The following XXYLT1 variants were observed in gnomAD, a reference collection of about 807,000 sequenced individuals.
XXYLT1 encodes UDP-xylose:alpha-xyloside alpha-1,3-xylosyltransferase.
Under a neutral mutation model 28.9 loss-of-function variants are expected in XXYLT1, and 20 were observed. The observed-to-expected ratio is 0.69, with a 90% CI of 0.49 to 1.00. XXYLT1 has a LOEUF of 1.00. Ranked by LOEUF, XXYLT1 falls within the 50% of genes least tolerant of loss-of-function variation. XXYLT1 has a pLI of 0.00. For synonymous variants in XXYLT1, 257 were observed against 253.8 expected (o/e 1.01, Z -0.12); for missense variants, 542 against 560.1 (o/e 0.97, Z 0.33).
At chr3:195,219,327 G>A (rs1342771121) in intron 2 of XXYLT1, among the ~76,000 whole-genome samples, 1 of 152,212 alleles carries the variant, frequency 6.6e-6, no homozygotes, top group East Asian at 1.9e-4. Flanking sequence ...ATGGCAGTGA[G>A]TAAAAGTACA....
intron 2 of XXYLT1, among the ~76,000 whole-genome samples, chr3:195,160,577 A>C (rs1427442874): frequency 6.6e-6 from 1 of 152,210 alleles, no homozygotes; most frequent in East Asian, 1.9e-4. Context: ...CACCTGCCTT[A>C]TCATACTCTG....
At chr3:195,110,842 T>TGTTGTGTAAG (rs1223287611) in intron 3 of XXYLT1, among the ~76,000 whole-genome samples, 1,471 of 6,882 alleles carry the variant, frequency 0.21, 40 homozygotes, top group African/African-American at 0.32. Context: ...GTGTGGTGTG[T>TGTTGTGTAAG]TGTGTGTGTT....
rs1441728713 is a variant in XXYLT1 at position 195,129,703 on chromosome 3, C to T, written c.785+26746G>A. On this transcript the variant is annotated intron_variant, in intron 3 of 3. Coordinates refer to ENST00000310380, the MANE Select transcript of XXYLT1 (RefSeq NM_152531.5). The surrounding 1 kb of genome is among the most constrained non-coding windows in gnomAD (Gnocchi z 4.4). Reference sequence around the variant, plus strand: ...GTTCATTTGCATGTTAGTGTGCGGGCGTATGTTTTCAGTTCTCTCGGGCAT... The same window carrying T: ...GTTCATTTGCATGTTAGTGTGCGGGTGTATGTTTTCAGTTCTCTCGGGCAT... Among the ~76,000 whole-genome samples, 1 of 152,044 alleles carries T rather than the reference C, an allele frequency of 6.6e-6. No individual in the cohort carries two copies. Among genetic ancestry groups the T allele is most frequent in the Non-Finnish European group, 1.5e-5 (1 of 68,014 alleles).
intron 1 of XXYLT1, among the ~76,000 whole-genome samples, chr3:195,244,058 T>C (rs1344463267): frequency 6.6e-6 from 1 of 152,134 alleles, no homozygotes; most frequent in Admixed American, 6.6e-5. Flanking sequence ...CTCACCCTCA[T>C]CTCCACCTCG....
intron 2 of XXYLT1, among the ~76,000 whole-genome samples, chr3:195,186,139 G>GAC (rs1233761721): frequency 1.3e-5 from 2 of 152,152 alleles, no homozygotes; most frequent in Non-Finnish European, 2.9e-5. Context: ...GCTGCTCCCA[G>GAC]ACATGTCATT....
rs562176617 is a variant in XXYLT1, at chr3:195,184,240, T to C, written c.653-27659A>G. ...GAGTTAATTCAGTGCAAAAGAACAATGGACAAGCTTGGCAATTGCTTCAGT... is the reference window on the plus strand; with the variant it reads ...GAGTTAATTCAGTGCAAAAGAACAACGGACAAGCTTGGCAATTGCTTCAGT... On this transcript the variant is annotated intron_variant, in intron 2 of 3. Transcript: ENST00000310380. Among the ~76,000 whole-genome samples the C allele has an allele frequency of 2.0e-5, 3 of 152,302 alleles. No individual in the cohort carries two copies. The South Asian group carries it at 6.2e-4, about 32-fold the overall frequency.
intron 2 of XXYLT1, among the ~76,000 whole-genome samples, chr3:195,161,342 C>T (rs187002791): frequency 1.4e-4 from 22 of 152,276 alleles, no homozygotes; most frequent in African/African-American, 4.6e-4. Flanking sequence ...GAAAAGCCTT[C>T]GGACATCTCT....
chr3:195,231,853 T>G (rs1724315169), intron 1 of XXYLT1, among the ~76,000 whole-genome samples: 1 of 152,150 alleles, frequency 6.6e-6, no homozygotes, highest in Non-Finnish European at 1.5e-5. Context: ...TATAGTTTTC[T>G]TTTACTGATG....
At position 195,270,839 on chromosome 3, in the gene XXYLT1, C is replaced by G; in HGVS notation, c.220G>C (p.Ala74Pro). ...GGGGCTGGCGCCACGGAGCCCCGCG[C>G]TAGCTCCAGCGCGGGCGGCGAGGGC... ...AAPSPPALELARGSVAPAPGA... is the reference protein window; with the variant it reads ...AAPSPPALELPRGSVAPAPGA... The change falls in exon 1 of 4, where the codon GCG becomes CCG. Residue 74 changes from alanine (A) to proline (P), a missense_variant. Ala to Pro is a conservative substitution (Grantham distance 27). Coordinates refer to ENST00000310380, the MANE Select transcript of XXYLT1 (RefSeq NM_152531.5). 3 of 1,451,562 alleles carry G rather than the reference C, an allele frequency of 2.1e-6. No individual in the cohort carries two copies. The highest frequency in any genetic ancestry group is 2.7e-6 in the Non-Finnish European group (3 of 1,103,542). 89.9% of individuals were successfully genotyped at this position (1,451,562 alleles called of 1,614,324 possible).
chr3:195,145,389 C>T (rs1364780664), intron 3 of XXYLT1, among the ~76,000 whole-genome samples: 3 of 142,956 alleles, frequency 2.1e-5, no homozygotes, highest in African/African-American at 5.3e-5. Context: ...TGGGGCCCTG[C>T]GAGCATCTCT....
intron 1 of XXYLT1, among the ~76,000 whole-genome samples, chr3:195,233,511 G>C (rs968800358): frequency 5.9e-5 from 9 of 152,012 alleles, no homozygotes; most frequent in African/African-American, 1.9e-4. Flanking sequence ...CATATCCATT[G>C]TATGTTTTTA....
At chr3:195,227,132 G>C (rs145147296) in intron 1 of XXYLT1, among the ~76,000 whole-genome samples, 20 of 152,306 alleles carry the variant, frequency 1.3e-4, no homozygotes, top group Admixed American at 3.3e-4. Context: ...GAAGTGGGAG[G>C]ACAGGAAATG....
intron 3 of XXYLT1, among the ~76,000 whole-genome samples, chr3:195,123,154 C>G (rs937428046): frequency 6.6e-6 from 1 of 151,874 alleles, no homozygotes; most frequent in Non-Finnish European, 1.5e-5. Context: ...TTTTAGGTAT[C>G]TTCAATGTGC....
intron 1 of XXYLT1, among the ~76,000 whole-genome samples, chr3:195,265,207 TA>T (rs543098009): frequency 1.0e-3 from 159 of 152,048 alleles, no homozygotes; most frequent in African/African-American, 3.5e-3. Context: ...CCATCTCTGC[TA>T]AAAATACAAA....
intron 2 of XXYLT1, among the ~76,000 whole-genome samples, chr3:195,197,434 C>A (rs1283670526): frequency 7.3e-6 from 1 of 137,312 alleles, no homozygotes; most frequent in Non-Finnish European, 1.5e-5. Flanking sequence ...GAGACTCAGT[C>A]TCAATTTAAA....
At chr3:195,175,918 G>C in intron 2 of XXYLT1, 1 of 1,399,468 alleles carries the variant, frequency 7.1e-7, no homozygotes, top group Non-Finnish European at 9.3e-7. Context: ...TATGTATGAA[G>C]TCACAGAAAT....
At chr3:195,203,633 T>G (rs1160075858) in intron 2 of XXYLT1, among the ~76,000 whole-genome samples, 2 of 152,170 alleles carry the variant, frequency 1.3e-5, no homozygotes, top group Non-Finnish European at 2.9e-5. Flanking sequence ...AAGGAGCAAA[T>G]GGCCTGACAG....
chr3:195,238,863 G>A (rs1167694022), intron 1 of XXYLT1, among the ~76,000 whole-genome samples: 1 of 152,214 alleles, frequency 6.6e-6, no homozygotes, highest in Admixed American at 6.5e-5. Flanking sequence ...AGAAGGGAAG[G>A]CCTCTGTGTT....
intron 3 of XXYLT1, among the ~76,000 whole-genome samples, chr3:195,109,244 A>G (rs1156229667): frequency 3.3e-5 from 5 of 152,146 alleles, no homozygotes; most frequent in Non-Finnish European, 7.3e-5. Flanking sequence ...GCAGAGGCCG[A>G]CAGCCCAGCA....
Sources: allele counts gnomAD v4.1 joint callset (sites outside exome capture counted in the v4.1 genomes callset), GRCh38; gene constraint gnomAD v4.1.1; non-coding constraint Gnocchi (gnomAD v3.1); transcripts MANE v1.5; gene names NCBI Gene and HGNC (gene_info 2026-07-23, HGNC 2026-07-21).